The following ZNF254 variants were observed in gnomAD, a reference collection of about 807,000 sequenced individuals.
The protein encoded by ZNF254 is zinc finger protein 254.
Under a neutral mutation model 12.4 loss-of-function variants are expected in ZNF254, and 10 were observed. The observed-to-expected ratio is 0.80, with a 90% CI of 0.50 to 1.36. The LOEUF is 1.36. ZNF254 is among the 40% of genes most tolerant of loss of function. The probability of loss-of-function intolerance (pLI) is 0.00; values close to 1 mark genes in which losing one functional copy is unlikely to be tolerated. For synonymous variants in ZNF254, 305 were observed against 253.4 expected (o/e 1.20, Z -1.93); for missense variants, 996 against 763.9 (o/e 1.30, Z -3.58).
upstream of ZNF254, among the ~76,000 whole-genome samples, chr19:24,085,307 G>A (rs66670702): frequency 0.15 from 22,186 of 148,458 alleles, 2,766 homozygotes; most frequent in African/African-American, 0.34. Flanking sequence ...TTGAATAAAC[G>A]TCTTTTATTA....
At chr19:24,046,373 T>TTATATATATATATATATATATATA (rs34508258) in intron 2 of ZNF254, 34 of 95,422 alleles carry the variant, frequency 3.6e-4, no homozygotes, top group South Asian at 6.8e-4. Context: ...TTATTATTTT[T>TTATATATATATATATATATATATA]TATATATATA....
chr19:24,107,313 T>C, intron 3 of ZNF254: 2 of 517,072 alleles, frequency 3.9e-6, no homozygotes, highest in Non-Finnish European at 6.8e-6. Flanking sequence ...AGTTTCATAA[T>C]ACTTATTCTT....
chr19:24,123,109 CTGTT>C (rs1396145114), intron 3 of ZNF254, among the ~76,000 whole-genome samples: 2 of 152,012 alleles, frequency 1.3e-5, no homozygotes, highest in African/African-American at 4.8e-5. Flanking sequence ...TTAAGTCTGT[CTGTT>C]GCATTGAGCT....
At chr19:24,086,676 C>A (rs528180311), upstream of ZNF254, among the ~76,000 whole-genome samples, 5 of 152,078 alleles carry the variant, frequency 3.3e-5, no homozygotes. Context: ...GAGGTTTCAC[C>A]ATGATAGTCA....
chr19:24,063,768 T>G (rs1223943157), intron 2 of ZNF254: 1 of 151,046 alleles, frequency 6.6e-6, no homozygotes, highest in Non-Finnish European at 1.5e-5. Context: ...TGCCTAACAC[T>G]AAGGTGATGT....
rs1379128076 is a variant in ZNF254, at chr19:24,062,518, A to G, written c.-94+16239A>G. Among the ~76,000 whole-genome samples the G allele has an allele frequency of 5.9e-5, 9 of 152,348 alleles. No homozygotes were observed. In the East Asian group the frequency reaches 1.7e-3, roughly 29 times the overall value. Reference sequence around the variant, plus strand: ...TGGGACCACATTAGATCATGTGTTCAGAGCAGGTTGCAACTCTCAGGCACA... The same window carrying G: ...TGGGACCACATTAGATCATGTGTTCGGAGCAGGTTGCAACTCTCAGGCACA... On this transcript the variant is annotated intron_variant, in intron 2 of 4. Transcript: ENST00000613065.
chr19:24,082,657 C>CA (rs745392053), upstream of ZNF254, among the ~76,000 whole-genome samples: 3,156 of 120,178 alleles, frequency 0.026, 72 homozygotes, highest in African/African-American at 0.05. Flanking sequence ...CTCAAAAAAA[C>CA]AAAAAAAAAA....
chr19:24,087,140 C>A, upstream of ZNF254: 1 of 779,552 alleles, frequency 1.3e-6, no homozygotes, highest in South Asian at 1.4e-5. Flanking sequence ...ACTGTCCAAT[C>A]AGGCACACAG....
chr19:24,048,325 G>C (rs971511501), intron 2 of ZNF254, among the ~76,000 whole-genome samples: 1 of 152,210 alleles, frequency 6.6e-6, no homozygotes, highest in Non-Finnish European at 1.5e-5. Context: ...ACAGCTTCAG[G>C]CCGCAAGCGC....
At chr19:24,104,994 A>G (rs1973249077) in intron 1 of ZNF254, 1 of 152,264 alleles carries the variant, frequency 6.6e-6, no homozygotes, top group South Asian at 2.1e-4. Context: ...AGATATCTGT[A>G]TCTTGAACTT....
chr19:24,098,988 C>CTTTTTTTTTTTTTTTTT, intron 1 of ZNF254: 1 of 74,768 alleles, frequency 1.3e-5, no homozygotes, highest in Non-Finnish European at 2.4e-5. Flanking sequence ...AGGCTTCGCT[C>CTTTTTTTTTTTTTTTTT]TTTTTTTTTT....
chr19:24,063,538 C>T (rs2145426737), intron 2 of ZNF254, among the ~76,000 whole-genome samples: 1 of 152,272 alleles, frequency 6.6e-6, no homozygotes, highest in Admixed American at 6.5e-5. Flanking sequence ...AACACATAGC[C>T]TGAGTCCAAC....
chr19:24,087,277 T>C lies in ZNF254; in HGVS notation c.-31T>C. The C allele has an allele frequency of 6.2e-7, 1 of 1,612,984 alleles. No homozygotes were observed. Among genetic ancestry groups the C allele is most frequent in the Non-Finnish European group, 8.5e-7 (1 of 1,179,364 alleles). On this transcript the variant is annotated 5_prime_UTR_variant, in exon 1 of 4. Transcript: ENST00000357002. ...AGAGGCCCAGCCTCTGTGGCGCTGT[T>C]ACCAGCAGGTATTGGAGATCCACAG...
intron 3 of ZNF254, among the ~76,000 whole-genome samples, chr19:24,115,622 T>TA (rs1160963324): frequency 6.6e-6 from 1 of 151,898 alleles, no homozygotes; most frequent in African/African-American, 2.4e-5. Context: ...CATGTATACA[T>TA]ATGTAACTAA....
intron 2 of ZNF254, among the ~76,000 whole-genome samples, chr19:24,075,223 A>G (rs1378754749): frequency 6.6e-6 from 1 of 151,712 alleles, no homozygotes; most frequent in African/African-American, 2.4e-5. Context: ...TTTTTGGGGG[A>G]GGGGGTCTCA....
At chr19:24,078,972 G>C (rs911472469) in intron 2 of ZNF254, 1 of 152,216 alleles carries the variant, frequency 6.6e-6, no homozygotes, top group Non-Finnish European at 1.5e-5. Context: ...ATTGGGTTAA[G>C]AGTGTGCCCT....
At chr19:24,036,427 C>T (rs778488036) in intron 1 of ZNF254, among the ~76,000 whole-genome samples, 6 of 152,000 alleles carry the variant, frequency 3.9e-5, no homozygotes, top group Non-Finnish European at 5.9e-5. Context: ...TTATGAGAGC[C>T]CCCAGTTTAT....
At position 24,129,957 on chromosome 19, in the gene ZNF254, G is replaced by C. The variant is rs1975125759; in HGVS notation, c.*1977G>C. 6.6e-6 allele frequency: 1 copy of C among 152,008 alleles called. No individual in the cohort carries two copies. The highest frequency in any genetic ancestry group is 1.5e-5 in the Non-Finnish European group (1 of 67,974). 9.4% of individuals were successfully genotyped at this position (152,008 alleles called of 1,614,324 possible). Reference sequence around the variant, plus strand: ...ATACTTCTATTAAAGATAAACCTTAGGTGTAAATAAATTATGGAGTAAGTA... The same window carrying C: ...ATACTTCTATTAAAGATAAACCTTACGTGTAAATAAATTATGGAGTAAGTA... On this transcript the variant is annotated 3_prime_UTR_variant, in exon 4 of 4. Transcript: ENST00000357002.
exon 1 of ZNF254, chr19:24,033,619 A>G (rs1438316142): frequency 7.2e-6 from 3 of 416,024 alleles, no homozygotes; most frequent in Non-Finnish European, 1.4e-5. Flanking sequence ...AAGCTGGGAA[A>G]GGGTGAGTGT....
Sources: allele counts gnomAD v4.1 joint callset (sites outside exome capture counted in the v4.1 genomes callset), GRCh38; gene constraint gnomAD v4.1.1; transcripts MANE v1.5; gene names NCBI Gene and HGNC (gene_info 2026-07-23, HGNC 2026-07-21).